The following ZNF521 variants were observed in gnomAD, a reference collection of about 807,000 sequenced individuals.
The protein encoded by ZNF521 is zinc finger protein 521.
A neutral mutation model predicts 105.5 loss-of-function variants in ZNF521; 14 were observed. That is an observed-to-expected ratio of 0.13 (90% CI 0.09 to 0.21). The LOEUF (loss-of-function observed/expected upper bound fraction) is 0.21, where lower values mean the gene tolerates loss of function less well. ZNF521 is among the 10% of genes least tolerant of loss of function. ZNF521 has a pLI of 1.00. For missense variants in ZNF521, 1,233 were observed against 1,629.7 expected (o/e 0.76, Z 4.19); for synonymous variants, 635 against 606.0 (o/e 1.05, Z -0.70).
At chr18:25,254,902 C>A (rs776309167) in intron 3 of ZNF521, among the ~76,000 whole-genome samples, 4 of 152,012 alleles carry the variant, frequency 2.6e-5, no homozygotes, top group Non-Finnish European at 4.4e-5. Context: ...AATGAACTAG[C>A]GCAGTGAAAA....
At chr18:25,075,944 G>T (rs780676101) in intron 7 of ZNF521, among the ~76,000 whole-genome samples, 2 of 152,160 alleles carry the variant, frequency 1.3e-5, no homozygotes, top group Non-Finnish European at 2.9e-5. Flanking sequence ...ATGCTGAACT[G>T]TCAGCATATT....
Position 25,195,238 on chromosome 18 carries a change from T to A in ZNF521, c.3580A>T (p.Thr1194Ser), listed in dbSNP as rs754638237. 1.3e-6 allele frequency: 2 copies of A among 1,586,478 alleles called. No homozygotes were observed. Among genetic ancestry groups the A allele is most frequent in the Non-Finnish European group, 8.6e-7 (1 of 1,169,364 alleles). Residue 1194 changes from threonine (T) to serine (S), a missense_variant, in exon 5 of 8, where the codon ACC becomes TCC. Physicochemically the swap from Thr to Ser is moderately conservative, Grantham distance 58 (BLOSUM62 1). Around this residue, in one of 6 missense-constraint regions of ZNF521, gnomAD observed 614 missense variants for 751.5 expected, o/e 0.82. Transcript: ENST00000361524. ...ATCTGACACTTGATGCATTGATAGG[T>A]CTTCTTCTGAGAAAACAAGTATAAA... Reference protein sequence around the residue: ...ISPSQSDEKKTYQCIKCQMVF... With the variant: ...ISPSQSDEKKSYQCIKCQMVF...
intron 4 of ZNF521, among the ~76,000 whole-genome samples, chr18:25,213,610 G>A (rs1366525776): frequency 2.0e-5 from 3 of 151,838 alleles, no homozygotes; most frequent in Admixed American, 1.3e-4. Flanking sequence ...CTCTTTTTCA[G>A]TATTTTTGTC....
intron 4 of ZNF521, among the ~76,000 whole-genome samples, chr18:25,205,791 T>C (rs1211441046): frequency 2.0e-5 from 3 of 152,206 alleles, no homozygotes; most frequent in African/African-American, 4.8e-5. Context: ...ATTAGATTGG[T>C]TCATTTTATG....
Position 25,198,744 on chromosome 18 carries a change from G to A in ZNF521, c.3574-3500C>T, listed in dbSNP as rs553132119. Among the ~76,000 whole-genome samples the A allele has an allele frequency of 7.9e-5, 12 of 151,564 alleles. 1 individual carries two copies. Among genetic ancestry groups the A allele is most frequent in the Non-Finnish European group, 1.5e-4 (10 of 67,772 alleles). On this transcript the variant is annotated intron_variant, in intron 4 of 7. Transcript: ENST00000361524. ...GAAGTGTAGGTCGTGCCTATTTGAT[G>A]AGTGAAAGCTTTTCTTTATAGAAGA...
chr18:25,176,316 C>T (rs548567611), intron 5 of ZNF521, among the ~76,000 whole-genome samples: 5 of 152,278 alleles, frequency 3.3e-5, no homozygotes, highest in South Asian at 4.1e-4. Context: ...TTTGCAAGCC[C>T]GTCTGCTAAA....
At chr18:25,205,539 G>A (rs1033139930) in intron 4 of ZNF521, among the ~76,000 whole-genome samples, 1 of 152,016 alleles carries the variant, frequency 6.6e-6, no homozygotes, top group Non-Finnish European at 1.5e-5. Context: ...CCAAAATAAG[G>A]AGCTACGGCT....
At chr18:25,074,031 C>CT (rs1567949457) in intron 7 of ZNF521, among the ~76,000 whole-genome samples, 1 of 146,886 alleles carries the variant, frequency 6.8e-6, no homozygotes, top group Non-Finnish European at 1.5e-5. Context: ...GGTGTGTGTG[C>CT]GTGCATGTGT....
chr18:25,157,756 CTTTT>C (rs1360648142), intron 5 of ZNF521, among the ~76,000 whole-genome samples: 1 of 146,082 alleles, frequency 6.8e-6, no homozygotes, highest in African/African-American at 2.5e-5. Context: ...ACTAAACCTT[CTTTT>C]TTTTTTTTGA....
intron 3 of ZNF521, among the ~76,000 whole-genome samples, chr18:25,231,758 T>C (rs1429822315): frequency 6.6e-6 from 1 of 152,232 alleles, no homozygotes; most frequent in Non-Finnish European, 1.5e-5. Context: ...ACTTTGTTTA[T>C]GATTAAGCGG....
intron 3 of ZNF521, among the ~76,000 whole-genome samples, chr18:25,318,753 G>A (rs950468986): frequency 3.9e-5 from 6 of 152,010 alleles, no homozygotes; most frequent in Admixed American, 2.0e-4. Flanking sequence ...ACACATATGT[G>A]CATATACTTG....
At chr18:25,300,629 G>T (rs1029821311) in intron 3 of ZNF521, among the ~76,000 whole-genome samples, 4 of 152,110 alleles carry the variant, frequency 2.6e-5, no homozygotes, top group Non-Finnish European at 5.9e-5. Context: ...ATAATATTAG[G>T]TTGGTGCAAA....
Position 25,124,215 on chromosome 18 carries a change from C to T in ZNF521, c.3659-32134G>A, listed in dbSNP as rs567133033. Among the ~76,000 whole-genome samples the T allele has an allele frequency of 2.6e-5, 4 of 152,170 alleles. No homozygotes were observed. In the South Asian group the frequency reaches 6.2e-4, roughly 24 times the overall value. ...TAACTGGGTAAGTTTTTCTTCTGTT[C>T]CCCTTTCTGTACCCATCAACAAGTA... is the stretch of plus-strand genomic sequence containing the variant. On this transcript the variant is annotated intron_variant, in intron 5 of 7. Transcript: ENST00000361524.
At chr18:25,316,204 G>A (rs1912605283) in intron 3 of ZNF521, among the ~76,000 whole-genome samples, 1 of 151,360 alleles carries the variant, frequency 6.6e-6, no homozygotes. Context: ...CGGGCAGGGA[G>A]AAAGGAAAGG....
At chr18:25,329,802 A>T (rs890715497) in intron 2 of ZNF521, among the ~76,000 whole-genome samples, 6 of 152,232 alleles carry the variant, frequency 3.9e-5, no homozygotes, top group African/African-American at 1.4e-4. Flanking sequence ...CTGGTAACTG[A>T]GAGGATGGCA....
intron 3 of ZNF521, chr18:25,302,933 G>A (rs1342095928): frequency 1.3e-5 from 2 of 152,178 alleles, no homozygotes; most frequent in East Asian, 3.8e-4. Context: ...ACACAATAAT[G>A]TAAAATATAA....
chr18:25,329,912 G>A (rs1377994135), intron 2 of ZNF521, among the ~76,000 whole-genome samples: 1 of 152,158 alleles, frequency 6.6e-6, no homozygotes, highest in South Asian at 2.1e-4. Context: ...CGGCAGAAAG[G>A]AAATAATGGT....
chr18:25,114,429 A>G (rs1307079382), intron 5 of ZNF521, among the ~76,000 whole-genome samples: 1 of 152,212 alleles, frequency 6.6e-6, no homozygotes, highest in Non-Finnish European at 1.5e-5. Context: ...TACAGCTGTT[A>G]TAATTTGTTG....
intron 4 of ZNF521, among the ~76,000 whole-genome samples, chr18:25,223,166 C>T (rs769595037): frequency 1.3e-5 from 2 of 152,206 alleles, no homozygotes; most frequent in Admixed American, 6.5e-5. Context: ...GAGCCATAAT[C>T]AAAGCTATGT....
Sources: gnomAD v4.1 joint callset for allele counts (sites outside exome capture counted in the v4.1 genomes callset) on GRCh38, gnomAD v4.1.1 for gene constraint, gnomAD v4.1.1 regional missense constraint, MANE v1.5 for transcripts, NCBI Gene and HGNC (gene_info 2026-07-23, HGNC 2026-07-21) for gene names.